The following ZNF341 variants were observed in gnomAD, a reference collection of about 807,000 sequenced individuals.
ZNF341 encodes zinc finger protein 341.
In ZNF341, 52 loss-of-function variants were observed where a neutral mutation model predicts 87.7. The ratio of observed to expected loss-of-function variants is 0.59; its 90% CI spans 0.47 to 0.75. ZNF341 has a LOEUF of 0.75. ZNF341 is among the 30% of genes least tolerant of loss of function. The pLI is 0.00. For missense variants in ZNF341, 977 were observed against 1,145.9 expected, an observed-to-expected ratio of 0.85 and a Z score of 2.13; for synonymous variants, 459 against 472.7, an observed-to-expected ratio of 0.97 and a Z score of 0.38.
chr20:33,780,107 G>T (rs559067009), intron 10 of ZNF341, among the ~76,000 whole-genome samples: 164 of 152,306 alleles, frequency 1.1e-3, no homozygotes, highest in Non-Finnish European at 1.6e-3. Context: ...GGCCAGGAGG[G>T]CCTCTTTGGG....
intron 1 of ZNF341, among the ~76,000 whole-genome samples, chr20:33,733,259 C>T (rs2122616767): frequency 6.7e-6 from 1 of 149,214 alleles, no homozygotes; most frequent in East Asian, 2.0e-4. Context: ...TGCTCTGTTG[C>T]CCAGGCTGGA....
At chr20:33,737,777 G>A (rs1052040880) in intron 1 of ZNF341, among the ~76,000 whole-genome samples, 1 of 152,096 alleles carries the variant, frequency 6.6e-6, no homozygotes, top group Admixed American at 6.6e-5. Context: ...TCTACGTGGA[G>A]CCATTGGTTG....
At position 33,768,614 on chromosome 20, in the gene ZNF341, G is replaced by C. The variant is rs190636956; in HGVS notation, c.1414-1470G>C. Among the ~76,000 whole-genome samples the C allele has an allele frequency of 6.3e-4, 88 of 139,000 alleles. 2 individuals are homozygous for C. The East Asian group carries it at 0.017, about 27-fold the overall frequency. The allele number at this position is 139,000 out of a possible 152,430, so 91.2% of individuals were successfully genotyped here. A position where few individuals can be genotyped will look rare whatever the true frequency, so the allele number is the denominator to read the frequency against. On this transcript the variant is annotated intron_variant, in intron 9 of 14. Coordinates refer to ENST00000375200, the MANE Select transcript of ZNF341 (RefSeq NM_001282933.2). ...ATTTTTGTGCTTTTAGTAGAGATGGGGTTTCACCATGTTGGCCAGGCTGGT... is the reference window on the plus strand; with the variant it reads ...ATTTTTGTGCTTTTAGTAGAGATGGCGTTTCACCATGTTGGCCAGGCTGGT...
intron 1 of ZNF341, among the ~76,000 whole-genome samples, chr20:33,734,075 A>C (rs2018632484): frequency 6.6e-6 from 1 of 152,272 alleles, no homozygotes; most frequent in East Asian, 1.9e-4. Context: ...TAATGAAGAC[A>C]GTTAAAGAGA....
chr20:33,759,773 GGA>G (rs747433113), intron 7 of ZNF341, among the ~76,000 whole-genome samples: 8 of 97,278 alleles, frequency 8.2e-5, no homozygotes, highest in East Asian at 2.8e-4. Context: ...AGAGAGAGAG[GGA>G]GAGAGAGAGA....
chr20:33,760,127 G>T (rs1315347475), intron 7 of ZNF341, among the ~76,000 whole-genome samples: 2 of 152,230 alleles, frequency 1.3e-5, no homozygotes, highest in African/African-American at 2.4e-5. Flanking sequence ...ATTGGGTTGG[G>T]CATGGTGGCT....
Position 33,732,176 on chromosome 20 carries a change from G to C in ZNF341, c.31+124G>C, listed in dbSNP as rs1021309184. The C allele has an allele frequency of 5.5e-6, 4 of 731,916 alleles. No individual in the cohort carries two copies. Among genetic ancestry groups the C allele is most frequent in the African/African-American group, 1.9e-5 (1 of 51,744 alleles). The allele number at this position is 731,916 out of a possible 1,614,324, so 45.3% of individuals were successfully genotyped here. ...GGCGGAGGGCGCCGGGGCTGGAACA[G>C]CCGCGGGGCGGGAGGGGCGCGGGCG... On this transcript the variant is annotated intron_variant, in intron 1 of 14. Coordinates refer to ENST00000375200, the MANE Select transcript of ZNF341 (RefSeq NM_001282933.2). The surrounding 1 kb of genome is among the most constrained non-coding windows in gnomAD (Gnocchi z 4.5).
rs1391126965 is a variant in ZNF341 at position 33,789,569 on chromosome 20, C to T, written c.2016C>T (p.Ala672=). The T allele has an allele frequency of 6.2e-7, 1 of 1,614,052 alleles. No individual in the cohort carries two copies. Among genetic ancestry groups the T allele is most frequent in the Non-Finnish European group, 8.5e-7 (1 of 1,180,004 alleles). ...TCAACCGGCCGGACAAGCTGAAGGC[C>T]CACATCCTCTCCCACTCTGGTAAGT... is the stretch of plus-strand genomic sequence containing the variant. ...KEFNRPDKLK[A]HILSHSGMKL... is the part of the protein sequence containing the mutation. Residue 672 remains alanine (A), a synonymous_variant, in exon 14 of 15, where the codon GCC becomes GCT. Transcript: ENST00000375200.
chr20:33,789,501 G>A lies in ZNF341; in HGVS notation c.1965-17G>A, dbSNP rs2019951231. 6 of 1,613,984 alleles carry A rather than the reference G, an allele frequency of 3.7e-6. No homozygotes were observed. Among genetic ancestry groups the A allele is most frequent in the Non-Finnish European group, 5.1e-6 (6 of 1,179,946 alleles). ...AAGCTTGGTGAGCTCCCCCTGACCA[G>A]TGGCTTTGGGTTTTAGGACGCACAC... On this transcript the variant is annotated splice_polypyrimidine_tract_variant and intron_variant, in intron 13 of 14. Coordinates refer to ENST00000375200, the MANE Select transcript of ZNF341 (RefSeq NM_001282933.2).
Position 33,744,626 on chromosome 20 carries a change from C to G in ZNF341, c.143-477C>G, listed in dbSNP as rs140267767. ...CTTTTTTTTGAGATGGAGTCTCGCTCTGTTGCCCAGGCTGGAGTGCAGTGG... is the reference window on the plus strand; with the variant it reads ...CTTTTTTTTGAGATGGAGTCTCGCTGTGTTGCCCAGGCTGGAGTGCAGTGG... On this transcript the variant is annotated intron_variant, in intron 2 of 14. Transcript: ENST00000375200. Among the ~76,000 whole-genome samples, 412 of 152,152 alleles carry G rather than the reference C, an allele frequency of 2.7e-3. 2 individuals are homozygous for G. Among genetic ancestry groups the G allele is most frequent in the African/African-American group, 9.6e-3 (397 of 41,504 alleles).
rs34461652 is a variant in ZNF341, at chr20:33,746,228, C to CTTTTTTTTTTTTTTTTT, written c.339+935_339+951dup. ...ACAGGCGTGAGCCACCGCGCCCGGC[C>CTTTTTTTTTTTTTTTTT]TTTTTTTTTTTTTTTTTTTTTTGAG... On this transcript the variant is annotated intron_variant, in intron 3 of 14. Transcript: ENST00000375200. 1.1e-4 allele frequency among the ~76,000 whole-genome samples: 11 copies of CTTTTTTTTTTTTTTTTT among 104,112 alleles called. 1 individual carries two copies. The highest frequency in any genetic ancestry group is 5.3e-4 in the African/African-American group (11 of 20,740). The allele number at this position is 104,112 out of a possible 152,430, so 68.3% of individuals were successfully genotyped here. A position where few individuals can be genotyped will look rare whatever the true frequency, so the allele number is the denominator to read the frequency against.
intron 7 of ZNF341, 56 bp from the exon 8 acceptor site, chr20:33,761,806 G>C: frequency 7.2e-7 from 1 of 1,381,122 alleles, no homozygotes; most frequent in Non-Finnish European, 9.6e-7. Flanking sequence ...GAGCTCCTGG[G>C]CTGAGGCCTC....
At chr20:33,779,537 A>G (rs2019698291) in intron 10 of ZNF341, among the ~76,000 whole-genome samples, 1 of 145,840 alleles carries the variant, frequency 6.9e-6, no homozygotes, top group Non-Finnish European at 1.5e-5. Flanking sequence ...TGCATCCTGC[A>G]TCTCCCAGGT....
At position 33,761,942 on chromosome 20, in the gene ZNF341, A is replaced by C. The variant is rs769528494; in HGVS notation, c.1109A>C (p.Gln370Pro). 2 of 1,608,732 alleles carry C rather than the reference A, an allele frequency of 1.2e-6. No homozygotes were observed. Among genetic ancestry groups the C allele is most frequent in the Non-Finnish European group, 1.7e-6 (2 of 1,176,194 alleles). The part of the protein sequence containing the change: ...AQKSNVKKHM[Q>P]THKVWPPGHS... ...AAGTCTAATGTTAAGAAACACATGC[A>C]GACCCACAAGGTGTGGCCTCCAGGA... Residue 370 changes from glutamine (Q) to proline (P), a missense_variant, in exon 8 of 15, where the codon CAG (glutamine) becomes CCG (proline). Coordinates refer to ENST00000375200, the MANE Select transcript of ZNF341 (RefSeq NM_001282933.2).
intron 5 of ZNF341, among the ~76,000 whole-genome samples, chr20:33,754,449 G>A (rs145837438): frequency 6.6e-6 from 1 of 152,190 alleles, no homozygotes; most frequent in Admixed American, 6.5e-5. Context: ...TCCCCTGTCA[G>A]GTAGTCTCTT....
In ZNF341 at chr20:33,740,956, C is replaced by T; in HGVS notation, c.86C>T (p.Ala29Val). Reference sequence around the variant, plus strand: ...CAGTCATTATTGGATGGCCAAGGAGCAGTCCCTGATCCGACAGGCCAGAGT... The same window carrying T: ...CAGTCATTATTGGATGGCCAAGGAGTAGTCCCTGATCCGACAGGCCAGAGT... ...AVQSLLDGQGAVPDPTGQSVN... is the reference protein window; with the variant it reads ...AVQSLLDGQGVVPDPTGQSVN... Residue 29 changes from alanine to valine, a missense_variant, in exon 2 of 15, where the codon GCA (alanine) becomes GTA (valine). Transcript: ENST00000375200. 1 of 1,614,176 alleles carries T rather than the reference C, an allele frequency of 6.2e-7. No homozygotes were observed. The highest frequency in any genetic ancestry group is 8.5e-7 in the Non-Finnish European group (1 of 1,180,028).
At position 33,781,190 on chromosome 20, in the gene ZNF341, T is replaced by C. The variant is rs1009246266; in HGVS notation, c.1623-101T>C. On this transcript the variant is annotated intron_variant, in intron 10 of 14. Transcript: ENST00000375200. ...GTGGATGGATTTGGAATGAATTAAC[T>C]GTAGGATGTTGCCTCCTAATGTTGG... 11 of 808,636 alleles carry C rather than the reference T, an allele frequency of 1.4e-5. No individual in the cohort carries two copies. In the Admixed American group the frequency reaches 1.9e-4, roughly 14 times the overall value. The allele number at this position is 808,636 out of a possible 1,614,324, so 50.1% of individuals were successfully genotyped here.
In ZNF341 at chr20:33,764,561, A is replaced by ATTTTTTTTTTT. The variant is rs1164096634; in HGVS notation, c.1223-2271_1223-2261dup. Among the ~76,000 whole-genome samples, 6 of 28,412 alleles carry ATTTTTTTTTTT rather than the reference A, an allele frequency of 2.1e-4. 1 individual carries two copies. The highest frequency in any genetic ancestry group is 4.4e-4 in the African/African-American group (4 of 9,122). The allele number at this position is 28,412 out of a possible 152,430, so 18.6% of individuals were successfully genotyped here. A position where few individuals can be genotyped will look rare whatever the true frequency, so the allele number is the denominator to read the frequency against. On this transcript the variant is annotated intron_variant, in intron 8 of 14. Coordinates refer to ENST00000375200, the MANE Select transcript of ZNF341 (RefSeq NM_001282933.2). ...TGTATGTGTATATATATATATATATATTTTTTTTTTTTTTTTTTTTTTTTT... is the reference window on the plus strand; with the variant it reads ...TGTATGTGTATATATATATATATATATTTTTTTTTTTTTTTTTTTTTTTTTTTTTTTTTTTT...
intron 10 of ZNF341, among the ~76,000 whole-genome samples, chr20:33,776,812 C>T (rs1211614321): frequency 6.6e-6 from 1 of 152,104 alleles, no homozygotes; most frequent in Non-Finnish European, 1.5e-5. Flanking sequence ...CGCCATCACT[C>T]CTAGGTAAAT....
Sources: allele counts gnomAD v4.1 joint callset (sites outside exome capture counted in the v4.1 genomes callset), GRCh38; gene constraint gnomAD v4.1.1; non-coding constraint Gnocchi (gnomAD v3.1); transcripts MANE v1.5; gene names NCBI Gene and HGNC (gene_info 2026-07-23, HGNC 2026-07-21).